ST7L: variants seen among roughly 807,000 people sequenced by gnomAD.
The protein encoded by ST7L is suppressor of tumorigenicity 7 protein-like.
In ST7L, 57 loss-of-function variants were observed where a neutral mutation model predicts 72.5. The ratio of observed to expected loss-of-function variants is 0.79; its 90% confidence interval spans 0.64 to 0.98. The LOEUF (loss-of-function observed/expected upper bound fraction) is 0.98, where lower values mean the gene tolerates loss of function less well. ST7L is among the 50% of genes least tolerant of loss of function. The pLI, the probability that ST7L is intolerant of heterozygous loss-of-function variation, is 0.00. For missense variants in ST7L, 576 were observed against 672.2 expected (o/e 0.86, Z 1.58); for synonymous variants, 221 against 240.9 (o/e 0.92, Z 0.77).
At chr1:112,619,636 C>T (rs1470723952), upstream of ST7L, 2 of 574,544 alleles carry the variant, frequency 3.5e-6, no homozygotes, top group Non-Finnish European at 6.2e-6. Flanking sequence ...TATTAGACTT[C>T]AAATCACCTA....
chr1:112,570,814 A>G (rs1284578176), intron 11 of ST7L: 1 of 450,666 alleles, frequency 2.2e-6, no homozygotes, highest in African/African-American at 2.0e-5. Context: ...TATAACATCA[A>G]TGTTATTTAA....
chr1:112,577,047 G>A lies in ST7L; in HGVS notation c.1184C>T (p.Ala395Val). The A allele has an allele frequency of 6.2e-7, 1 of 1,610,388 alleles. No homozygotes were observed. Among genetic ancestry groups the A allele is most frequent in the Non-Finnish European group, 8.5e-7 (1 of 1,177,834 alleles). The change falls in exon 11 of 15, where the codon GCA (alanine) becomes GTA (valine). Residue 395 changes from alanine to valine, a missense_variant. Coordinates refer to ENST00000358039, the MANE Select transcript of ST7L (RefSeq NM_017744.5). ...ETASRRGLST[A>V]EINAVEAIHR... Reference sequence around the variant, plus strand: ...AATTGCTTCCACGGCATTAATTTCTGCTGTGCTTAATCCTCTTCTGGAGGC... The same window carrying A: ...AATTGCTTCCACGGCATTAATTTCTACTGTGCTTAATCCTCTTCTGGAGGC...
chr1:112,576,097 A>AT (rs971236538), intron 11 of ST7L, among the ~76,000 whole-genome samples: 76 of 149,340 alleles, frequency 5.1e-4, no homozygotes, highest in Non-Finnish European at 8.9e-4. Context: ...TAGAACCCCA[A>AT]TTTTTTTTTT....
intron 14 of ST7L, among the ~76,000 whole-genome samples, chr1:112,536,598 T>G (rs979885830): frequency 1.3e-5 from 2 of 152,142 alleles, no homozygotes; most frequent in Admixed American, 6.6e-5. Flanking sequence ...GAAACCCCAG[T>G]GAGACATTCT....
At chr1:112,572,965 A>G (rs1165335613) in intron 11 of ST7L, among the ~76,000 whole-genome samples, 1 of 152,192 alleles carries the variant, frequency 6.6e-6, no homozygotes, top group Admixed American at 6.5e-5. Context: ...AACCCAACAA[A>G]GCCAGAGCCA....
At chr1:112,567,795 T>A (rs1405126442) in intron 11 of ST7L, among the ~76,000 whole-genome samples, 1 of 152,132 alleles carries the variant, frequency 6.6e-6, no homozygotes, top group Non-Finnish European at 1.5e-5. Context: ...TGACAGTATA[T>A]ATGTGGATCC....
At chr1:112,558,959 C>T (rs959851671) in intron 11 of ST7L, among the ~76,000 whole-genome samples, 18 of 152,182 alleles carry the variant, frequency 1.2e-4, no homozygotes, top group Admixed American at 6.5e-4. Flanking sequence ...GTGGCAATCA[C>T]AGTGGAATTG....
At chr1:112,585,436 T>C (rs998966176) in intron 6 of ST7L, among the ~76,000 whole-genome samples, 1 of 152,230 alleles carries the variant, frequency 6.6e-6, no homozygotes, top group Non-Finnish European at 1.5e-5. Flanking sequence ...GTACTGACTA[T>C]ATGTTAAAAT....
At chr1:112,580,284 G>A (rs1342165900) in intron 9 of ST7L, among the ~76,000 whole-genome samples, 1 of 152,158 alleles carries the variant, frequency 6.6e-6, no homozygotes, top group East Asian at 1.9e-4. Flanking sequence ...GAGCAGCTGG[G>A]ACTACAGGCG....
intron 6 of ST7L, 52 bp downstream of exon 6, chr1:112,591,473 T>C (rs1319226238): frequency 1.3e-6 from 2 of 1,494,030 alleles, no homozygotes; most frequent in Non-Finnish European, 1.8e-6. Flanking sequence ...TAAAAATCAT[T>C]TGCCTTGGTT....
At position 112,597,951 on chromosome 1, in the gene ST7L, T is replaced by C; in HGVS notation, c.622+20A>G. On this transcript the variant is annotated intron_variant, in intron 5 of 14. Coordinates refer to ENST00000358039, the MANE Select transcript of ST7L (RefSeq NM_017744.5). The stretch of plus-strand genomic sequence containing the variant: ...ATCTTCATGATCACTGTTTATACTA[T>C]GAACAGATATGATACATACCTGTGT... The C allele has an allele frequency of 6.4e-7, 1 of 1,556,330 alleles. No individual in the cohort carries two copies. The highest frequency in any genetic ancestry group is 8.8e-7 in the Non-Finnish European group (1 of 1,133,894).
At chr1:112,567,807 T>C (rs1316599916) in intron 11 of ST7L, among the ~76,000 whole-genome samples, 1 of 152,146 alleles carries the variant, frequency 6.6e-6, no homozygotes, top group African/African-American at 2.4e-5. Context: ...TGTGGATCCA[T>C]TCTGTGATTT....
At chr1:112,614,240 A>AACAG (rs995168897) in intron 2 of ST7L, among the ~76,000 whole-genome samples, 2 of 151,660 alleles carry the variant, frequency 1.3e-5, no homozygotes, top group Admixed American at 1.3e-4. Flanking sequence ...GTTTCTTTAA[A>AACAG]ACAAACAAAC....
In ST7L at chr1:112,555,876, C is replaced by T; in HGVS notation, c.1388G>A (p.Trp463Ter). The T allele has an allele frequency of 6.4e-7, 1 of 1,569,290 alleles. No homozygotes were observed. The highest frequency in any genetic ancestry group is 8.6e-7 in the Non-Finnish European group (1 of 1,156,530). ...TGGAAAAGAATACTTACTGCCTTCC[C>T]ATGTACACTGTAACAGATTAAGAGC... is the stretch of plus-strand genomic sequence containing the variant. ...EGALNLLQCT[W>*]EGTFRMIPYP... is the part of the protein sequence containing the mutation. Residue 463 changes from tryptophan (W) to a stop codon, truncating the protein, a stop_gained, in exon 12 of 15, where the codon TGG (tryptophan) becomes TAG (stop). Coordinates refer to ENST00000358039, the MANE Select transcript of ST7L (RefSeq NM_017744.5). LOFTEE classifies it high-confidence loss of function.
chr1:112,582,338 G>A lies in ST7L; in HGVS notation c.954+37C>T, dbSNP rs200965503. ...CTTAACTAAATTTTTAGTTTCTGGA[G>A]GAATAAATGTAATAGTCCCATCATC... On this transcript the variant is annotated intron_variant, in intron 8 of 14. Coordinates refer to ENST00000358039, the MANE Select transcript of ST7L (RefSeq NM_017744.5). The A allele has an allele frequency of 8.0e-5, 115 of 1,440,742 alleles. No individual in the cohort carries two copies. In the East Asian group the frequency reaches 2.5e-3, roughly 32 times the overall value. 89.2% of individuals were successfully genotyped at this position (1,440,742 alleles called of 1,614,324 possible). A position where few individuals can be genotyped will look rare whatever the true frequency, so the allele number is the denominator to read the frequency against.
chr1:112,534,371 C>A (rs971944761), intron 14 of ST7L, among the ~76,000 whole-genome samples: 1 of 152,172 alleles, frequency 6.6e-6, no homozygotes, highest in Non-Finnish European at 1.5e-5. Context: ...ATTTTAGGCA[C>A]ATCACTTAAC....
intron 4 of ST7L, among the ~76,000 whole-genome samples, chr1:112,599,338 C>A (rs547943574): frequency 6.4e-4 from 98 of 152,014 alleles, no homozygotes; most frequent in African/African-American, 2.2e-3. Flanking sequence ...CTATCTTACA[C>A]TATCATGTCT....
Sources: gnomAD v4.1 joint callset for allele counts (sites outside exome capture counted in the v4.1 genomes callset) on GRCh38, gnomAD v4.1.1 for gene constraint, MANE v1.5 for transcripts, NCBI Gene and HGNC (gene_info 2026-07-23, HGNC 2026-07-21) for gene names.